DIDO1: variants seen among roughly 807,000 people sequenced by gnomAD.
The protein encoded by DIDO1 is death-inducer obliterator 1.
DIDO1 carries 16 observed loss-of-function variants against 99.4 expected under a neutral mutation model. That is an observed-to-expected ratio of 0.16 (90% CI 0.11 to 0.24). The LOEUF is 0.24. Among genes scored for constraint, DIDO1 ranks in the 10% least tolerant of loss-of-function variants. DIDO1 has a pLI of 1.00. For synonymous variants in DIDO1, 1,366 were observed against 1,239.1 expected (o/e 1.10, Z -2.15); for missense variants, 2,996 against 3,014.0 (o/e 0.99, Z 0.14).
chr20:62,922,235 T>TATATATATACACACACACAC lies in DIDO1; in HGVS notation c.-200+4184_-200+4203dup, dbSNP rs1412066044. Among the ~76,000 whole-genome samples, 7 of 145,636 alleles carry TATATATATACACACACACAC rather than the reference T, an allele frequency of 4.8e-5. No individual in the cohort carries two copies. The East Asian group carries it at 1.4e-3, about 30-fold the overall frequency. On this transcript the variant is annotated intron_variant, in intron 1 of 15. Coordinates refer to ENST00000395343, the MANE Select transcript of DIDO1 (RefSeq NM_001193369.2). ...ACATATATATACACACACACACATA[T>TATATATATACACACACACAC]ATATATATACACACACACACATATA...
upstream of DIDO1, among the ~76,000 whole-genome samples, chr20:62,930,361 C>G (rs985657264): frequency 9.2e-5 from 14 of 152,140 alleles, no homozygotes; most frequent in Non-Finnish European, 1.5e-4. Context: ...TTTGAGACAA[C>G]CAACACAGAG....
intron 6 of DIDO1, chr20:62,905,321 G>A: frequency 7.0e-7 from 1 of 1,424,474 alleles, no homozygotes; most frequent in Admixed American, 2.9e-5. Flanking sequence ...TGGGTGTGTA[G>A]CGTGTGAATC....
At position 62,881,412 on chromosome 20, in the gene DIDO1, G is replaced by T; in HGVS notation, c.4544C>A (p.Ser1515Ter). 1 of 1,607,670 alleles carries T rather than the reference G, an allele frequency of 6.2e-7. No homozygotes were observed. Residue 1515 changes from serine to a stop codon, truncating the protein, a stop_gained, in exon 16 of 16, where the codon TCG becomes TAG. Coordinates refer to ENST00000395343, the MANE Select transcript of DIDO1 (RefSeq NM_001193369.2). LOFTEE classifies it low-confidence loss of function (END_TRUNC). The surrounding 1 kb of genome is among the most constrained non-coding windows in gnomAD (Gnocchi z 8.3). ...AAVGVSMAHF[S>*]VSDALMSPPP... is the part of the protein sequence containing the mutation. ...TGGAGACATCAAGGCGTCCGACACC[G>T]AGAAGTGGGCCATGGAGACCCCGAC...
chr20:62,884,055 C>G (rs1324466038), intron 15 of DIDO1, among the ~76,000 whole-genome samples: 1 of 152,130 alleles, frequency 6.6e-6, no homozygotes. Flanking sequence ...TGAGCATTAA[C>G]ATATCAAAGA....
chr20:62,914,314 A>C lies in DIDO1; in HGVS notation c.-107T>G, dbSNP rs1979903640. On this transcript the variant is annotated 5_prime_UTR_variant, in exon 2 of 16. Transcript: ENST00000395343. ...GGTCCAAGCAGACAGCCAGGCTCAC[A>C]ACAACACTGTTGTCAGCCACTGTTC... The C allele has an allele frequency of 6.6e-6, 1 of 150,568 alleles. No individual in the cohort carries two copies. The highest frequency in any genetic ancestry group is 1.5e-5 in the Non-Finnish European group (1 of 68,012). 9.3% of individuals were successfully genotyped at this position (150,568 alleles called of 1,614,324 possible). A position where few individuals can be genotyped will look rare whatever the true frequency, so the allele number is the denominator to read the frequency against.
intron 13 of DIDO1, among the ~76,000 whole-genome samples, chr20:62,892,494 C>T (rs1234127608): frequency 2.0e-5 from 3 of 152,204 alleles, no homozygotes; most frequent in Non-Finnish European, 2.9e-5. Flanking sequence ...AAAGCAGGCT[C>T]CGAACACCTG....
At chr20:62,926,570 G>A (rs917996095), upstream of DIDO1, 4 of 152,080 alleles carry the variant, frequency 2.6e-5, no homozygotes, top group Non-Finnish European at 5.9e-5. Context: ...CCGAGACGCT[G>A]CGGGGCTAGA....
Position 62,880,344 on chromosome 20 carries a change from T to G in DIDO1, c.5612A>C (p.Glu1871Ala). ...NEVTGAPAQF[E>A]GTEQAPFLGS... is the part of the protein sequence containing the mutation. Reference sequence around the variant, plus strand: ...CAGAAATGGGGCTTGCTCTGTCCCTTCAAACTGGGCGGGGGCGCCCGTCAC... The same window carrying G: ...CAGAAATGGGGCTTGCTCTGTCCCTGCAAACTGGGCGGGGGCGCCCGTCAC... Residue 1871 changes from glutamate (E) to alanine (A), a missense_variant, in exon 16 of 16, where the codon GAA (glutamate) becomes GCA (alanine). Physicochemically the swap from Glu to Ala is moderately radical, Grantham distance 107. Transcript: ENST00000395343. The G allele has an allele frequency of 1.2e-6, 2 of 1,612,844 alleles. No homozygotes were observed. Among genetic ancestry groups the G allele is most frequent in the Non-Finnish European group, 1.7e-6 (2 of 1,179,994 alleles).
chr20:62,909,366 G>A (rs1402032692), intron 4 of DIDO1, among the ~76,000 whole-genome samples: 1 of 152,232 alleles, frequency 6.6e-6, no homozygotes, highest in Admixed American at 6.5e-5. Context: ...CCAGAACCAC[G>A]AGGCAGCTGG....
At chr20:62,924,124 G>C (rs1026557040) in intron 1 of DIDO1, among the ~76,000 whole-genome samples, 1 of 152,196 alleles carries the variant, frequency 6.6e-6, no homozygotes, top group Non-Finnish European at 1.5e-5. Flanking sequence ...GTTAATTATA[G>C]AACTTTTGTA....
In DIDO1 at chr20:62,910,409, C is replaced by G. The variant is rs566368361; in HGVS notation, c.839+365G>C. Among the ~76,000 whole-genome samples, 6 of 152,360 alleles carry G rather than the reference C, an allele frequency of 3.9e-5. No individual in the cohort carries two copies. The South Asian group carries it at 1.2e-3, about 32-fold the overall frequency. On this transcript the variant is annotated intron_variant, in intron 3 of 15. Coordinates refer to ENST00000395343, the MANE Select transcript of DIDO1 (RefSeq NM_001193369.2). ...ACACTTGCGGTCTGCACATGCCCCT[C>G]TGCTATGTCTCCCAAGGGGCAGTCT...
intron 6 of DIDO1, chr20:62,905,545 G>A: frequency 6.4e-7 from 1 of 1,551,028 alleles, no homozygotes; most frequent in Non-Finnish European, 8.7e-7. Context: ...TGGCGTGCCG[G>A]GCAGTGTGGC....
At chr20:62,935,717 C>T (rs113776750) in intron 1 of DIDO1, among the ~76,000 whole-genome samples, 2 of 152,228 alleles carry the variant, frequency 1.3e-5, no homozygotes, top group African/African-American at 4.8e-5. Context: ...TAACTTTACA[C>T]AGGCAACTGG....
At chr20:62,907,396 T>C (rs935886911) in intron 4 of DIDO1, 37 bp from the exon 5 acceptor site, 6 of 1,599,008 alleles carry the variant, frequency 3.8e-6, no homozygotes, top group Non-Finnish European at 5.1e-6. Flanking sequence ...ACAATGTACT[T>C]GCCAATTTTA....
intron 15 of DIDO1, chr20:62,887,776 C>A: frequency 1.0e-6 from 1 of 985,464 alleles, no homozygotes; most frequent in Non-Finnish European, 1.2e-6. Flanking sequence ...ACTCTGCGAC[C>A]CCAAGTCCCT....
At chr20:62,906,206 T>C in intron 5 of DIDO1, 106 bp from the exon 6 acceptor site, 7 of 1,413,124 alleles carry the variant, frequency 5.0e-6, no homozygotes, top group Non-Finnish European at 5.7e-6. Context: ...CCTGAGGCCA[T>C]CTGAAGACCC....
upstream of DIDO1, among the ~76,000 whole-genome samples, chr20:62,926,922 G>A (rs12480117): frequency 0.19 from 28,456 of 152,182 alleles, 2,769 homozygotes; most frequent in East Asian, 0.28. Context: ...GGGGACAGGG[G>A]ATAAAAGAAG....
At position 62,894,649 on chromosome 20, in the gene DIDO1, C is replaced by CG. The variant is rs1240380599; in HGVS notation, c.2437-102dup. 6.7e-7 allele frequency: 1 copy of CG among 1,487,822 alleles called. No individual in the cohort carries two copies. Among genetic ancestry groups the CG allele is most frequent in the Non-Finnish European group, 9.0e-7 (1 of 1,112,746 alleles). 92.2% of individuals were successfully genotyped at this position (1,487,822 alleles called of 1,614,324 possible). A position where few individuals can be genotyped will look rare whatever the true frequency, so the allele number is the denominator to read the frequency against. ...AGCAGTCTCATGGGATTGAGACCCA[C>CG]GGGGGAGAAAAAAGGACCATCTAAT... On this transcript the variant is annotated intron_variant, in intron 10 of 15. Transcript: ENST00000395343. The surrounding 1 kb of genome is among the most constrained non-coding windows in gnomAD (Gnocchi z 4.4).
chr20:62,897,487 G>A (rs934105961), intron 6 of DIDO1, among the ~76,000 whole-genome samples: 1 of 152,222 alleles, frequency 6.6e-6, no homozygotes, highest in Admixed American at 6.5e-5. Flanking sequence ...CTTCCAGACT[G>A]GAGTCCATTG....
Sources: allele counts gnomAD v4.1 joint callset (sites outside exome capture counted in the v4.1 genomes callset), GRCh38; gene constraint gnomAD v4.1.1; non-coding constraint Gnocchi (gnomAD v3.1); transcripts MANE v1.5; gene names NCBI Gene and HGNC (gene_info 2026-07-23, HGNC 2026-07-21).